Variants in SORT1 observed in about 807,000 individuals in gnomAD.
The protein encoded by SORT1 is sortilin.
SORT1 carries 39 observed loss-of-function variants against 101.7 expected under a neutral mutation model. The observed-to-expected ratio is 0.38, with a 90% CI of 0.30 to 0.50. The LOEUF (loss-of-function observed/expected upper bound fraction) is 0.50. SORT1 is among the 20% of genes least tolerant of loss of function. The pLI is 0.90. For synonymous variants in SORT1, 396 were observed against 393.7 expected, an observed-to-expected ratio of 1.01 and a Z score of -0.07; for missense variants, 878 against 1,040.4, an observed-to-expected ratio of 0.84 and a Z score of 2.15.
intron 1 of SORT1, chr1:109,393,428 C>G (rs758424866): frequency 9.5e-6 from 4 of 421,386 alleles, no homozygotes; most frequent in Non-Finnish European, 1.3e-5. Flanking sequence ...TGTCAGCCAC[C>G]ACCACAACTC....
At chr1:109,343,746 C>T (rs183430517) in intron 8 of SORT1, among the ~76,000 whole-genome samples, 3 of 152,222 alleles carry the variant, frequency 2.0e-5, no homozygotes, top group African/African-American at 7.2e-5. Context: ...TCTCCACAGT[C>T]CAGTTGATTC....
chr1:109,369,687 T>A, intron 1 of SORT1, 98 bp from the exon 2 acceptor site: 3 of 825,128 alleles, frequency 3.6e-6, no homozygotes, highest in Non-Finnish European at 6.2e-6. Context: ...TCAGAGTAAT[T>A]AAGTTCATAA....
At chr1:109,316,714 T>G (rs1200172520) in intron 17 of SORT1, 136 bp downstream of exon 17, 2 of 589,752 alleles carry the variant, frequency 3.4e-6, no homozygotes. Context: ...AACAGCTTCC[T>G]GTATAAGGGA....
At chr1:109,368,120 C>A (rs933652774) in intron 2 of SORT1, among the ~76,000 whole-genome samples, 2 of 151,672 alleles carry the variant, frequency 1.3e-5, no homozygotes, top group Non-Finnish European at 2.9e-5. Flanking sequence ...ATGGTGAAAC[C>A]CCATCTCTAC....
At position 109,351,012 on chromosome 1, in the gene SORT1, T is replaced by G. The variant is rs750127715; in HGVS notation, c.709-10A>C. Reference sequence around the variant, plus strand: ...ACACCCACAGGCCATTCTGAAAGATTATAAATGACTTATCAAAATTCTAGC... The same window carrying G: ...ACACCCACAGGCCATTCTGAAAGATGATAAATGACTTATCAAAATTCTAGC... On this transcript the variant is annotated splice_polypyrimidine_tract_variant and intron_variant, in intron 5 of 19. Coordinates refer to ENST00000256637, the MANE Select transcript of SORT1 (RefSeq NM_002959.7). 1 of 1,570,518 alleles carries G rather than the reference T, an allele frequency of 6.4e-7. No homozygotes were observed. Among genetic ancestry groups the G allele is most frequent in the South Asian group, 1.1e-5 (1 of 90,186 alleles).
intron 5 of SORT1, among the ~76,000 whole-genome samples, chr1:109,352,622 CTT>C (rs1650041286): frequency 6.6e-6 from 1 of 152,186 alleles, no homozygotes; most frequent in Non-Finnish European, 1.5e-5. Context: ...TCTCCTCTAA[CTT>C]TTTCTCCCCT....
intron 8 of SORT1, 51 bp downstream of exon 8, chr1:109,345,700 A>T (rs188123341): frequency 1.3e-6 from 2 of 1,522,772 alleles, no homozygotes; most frequent in Non-Finnish European, 1.8e-6. Flanking sequence ...AATCTATACG[A>T]GAGATATTTG....
chr1:109,397,553 AC>A, intron 1 of SORT1, 33 bp downstream of exon 1: 2 of 1,143,484 alleles, frequency 1.7e-6, no homozygotes, highest in South Asian at 2.8e-5. Context: ...GGCACCTCGC[AC>A]CCGAGCGGCT....
intron 11 of SORT1, among the ~76,000 whole-genome samples, chr1:109,335,612 C>T (rs953461443): frequency 1.7e-5 from 2 of 118,058 alleles, no homozygotes; most frequent in East Asian, 6.4e-4. Context: ...TCCAGCTGTC[C>T]CCCAAGCTCA....
chr1:109,386,698 A>G (rs147940208), intron 1 of SORT1, among the ~76,000 whole-genome samples: 2 of 152,320 alleles, frequency 1.3e-5, no homozygotes, highest in African/African-American at 4.8e-5. Flanking sequence ...ATTTTTAAAT[A>G]ATTGTTAAAA....
chr1:109,363,122 A>G (rs1470499289), intron 3 of SORT1, among the ~76,000 whole-genome samples: 1 of 152,214 alleles, frequency 6.6e-6, no homozygotes. Context: ...CAGGAATAAA[A>G]TAGCCCAGCA....
At chr1:109,330,157 C>T (rs895777465) in intron 11 of SORT1, among the ~76,000 whole-genome samples, 5 of 152,134 alleles carry the variant, frequency 3.3e-5, no homozygotes, top group African/African-American at 7.2e-5. Context: ...CCCGCTGCCA[C>T]GCCCAGCTAT....
intron 3 of SORT1, among the ~76,000 whole-genome samples, chr1:109,358,312 T>C (rs1439316331): frequency 6.6e-6 from 1 of 152,136 alleles, no homozygotes; most frequent in Non-Finnish European, 1.5e-5. Flanking sequence ...AGCATACATA[T>C]CATGAAGATA....
At chr1:109,328,989 C>T (rs1648268209) in intron 11 of SORT1, among the ~76,000 whole-genome samples, 1 of 152,082 alleles carries the variant, frequency 6.6e-6, no homozygotes, top group African/African-American at 2.4e-5. Context: ...TTAAAAGGTC[C>T]ACCCTAGTGG....
rs1658838573 is a variant in SORT1, at chr1:109,313,390, C to T, written c.*653G>A. On this transcript the variant is annotated 3_prime_UTR_variant, in exon 20 of 20. Coordinates refer to ENST00000256637, the MANE Select transcript of SORT1 (RefSeq NM_002959.7). Reference sequence around the variant, plus strand: ...GGGAAGCACATGGTTAAGTTAGTTGCCAAAGGGCAATTAACAAGGGTATTG... The same window carrying T: ...GGGAAGCACATGGTTAAGTTAGTTGTCAAAGGGCAATTAACAAGGGTATTG... 6.6e-6 allele frequency: 1 copy of T among 152,466 alleles called. No individual in the cohort carries two copies. Among genetic ancestry groups the T allele is most frequent in the Non-Finnish European group, 1.5e-5 (1 of 68,106 alleles). 9.4% of individuals were successfully genotyped at this position (152,466 alleles called of 1,614,324 possible).
intron 9 of SORT1, 27 bp from the exon 10 acceptor site, chr1:109,340,906 C>G (rs1247223704): frequency 6.3e-7 from 1 of 1,590,770 alleles, no homozygotes; most frequent in Non-Finnish European, 8.6e-7. Flanking sequence ...AACAAAAATA[C>G]TAAGTCTTGG....
intron 18 of SORT1, 144 bp from the exon 19 acceptor site, chr1:109,314,528 T>C: frequency 5.9e-6 from 7 of 1,188,554 alleles, no homozygotes; most frequent in Non-Finnish European, 8.3e-6. Flanking sequence ...ATGAAAAATG[T>C]ACGACATGAG....
At position 109,382,032 on chromosome 1, in the gene SORT1, T is replaced by G. The variant is rs141841336; in HGVS notation, c.307-12443A>C. On this transcript the variant is annotated intron_variant, in intron 1 of 19. Coordinates refer to ENST00000256637, the MANE Select transcript of SORT1 (RefSeq NM_002959.7). ...CAATTGGCAGAAATCATTTTAAAAA[T>G]AAAACTATATAAGTAAGCTATTTTT... 2.5e-4 allele frequency among the ~76,000 whole-genome samples: 37 copies of G among 148,410 alleles called. No homozygotes were observed. The East Asian group carries it at 6.9e-3, about 28-fold the overall frequency.
intron 8 of SORT1, among the ~76,000 whole-genome samples, chr1:109,343,696 T>G (rs1271393200): frequency 2.0e-5 from 3 of 152,214 alleles, no homozygotes; most frequent in Non-Finnish European, 4.4e-5. Context: ...TTTCCCAGGC[T>G]GGAGTGCAGT....
Sources: gnomAD v4.1 joint callset for allele counts (sites outside exome capture counted in the v4.1 genomes callset) on GRCh38, gnomAD v4.1.1 for gene constraint, MANE v1.5 for transcripts, NCBI Gene and HGNC (gene_info 2026-07-23, HGNC 2026-07-21) for gene names.